TBL1Y: variants seen among roughly 807,000 people sequenced by gnomAD.
TBL1Y encodes the protein F-box-like/WD repeat-containing protein TBL1Y.
Under a neutral mutation model 12.0 loss-of-function variants are expected in TBL1Y, and 15 were observed. That is an observed-to-expected ratio of 1.25 (90% CI 0.83 to 1.92). TBL1Y has a LOEUF of 1.92. Among genes scored for constraint, TBL1Y ranks in the 40% most tolerant of loss-of-function variants. TBL1Y has a pLI of 0.00. For synonymous variants in TBL1Y, 53 were observed against 42.6 expected (o/e 1.24, Z -0.95); for missense variants, 148 against 116.7 (o/e 1.27, Z -1.24).
At chrY:7,066,661 C>T in intron 8 of TBL1Y, among the ~76,000 whole-genome samples, 4 of 32,638 alleles carry the variant, frequency 1.2e-4, no homozygotes, top group African/African-American at 4.8e-4. Context: ...CCACCACGCC[C>T]GGCTAAGAAC....
At chrY:7,084,124 A>G (rs2013115471) in intron 14 of TBL1Y, among the ~76,000 whole-genome samples, 4 of 32,933 alleles carry the variant, frequency 1.2e-4, no homozygotes, top group Non-Finnish European at 2.2e-4. Flanking sequence ...ATATTTAGAA[A>G]ATTAATTTTC....
chrY:6,959,758 A>G, intron 2 of TBL1Y, among the ~76,000 whole-genome samples: 1 of 33,692 alleles, frequency 3.0e-5, no homozygotes, highest in Non-Finnish European at 7.4e-5. Context: ...TGTCCCAGTG[A>G]TGTTTAGATT....
chrY:7,008,604 A>G (rs762332929), intron 4 of TBL1Y, among the ~76,000 whole-genome samples: 1 of 33,439 alleles, frequency 3.0e-5, no homozygotes, highest in African/African-American at 1.2e-4. Context: ...ATCGCCAGTC[A>G]GCACAAATAT....
At chrY:6,946,893 CCAGG>C (rs2011988889) in intron 2 of TBL1Y, among the ~76,000 whole-genome samples, 3 of 33,707 alleles carry the variant, frequency 8.9e-5, no homozygotes, top group Non-Finnish European at 1.5e-4. Context: ...GACAGAGCTT[CCAGG>C]TCACAGGTGA....
chrY:6,952,948 CT>C (rs2012042484), intron 2 of TBL1Y, among the ~76,000 whole-genome samples: 1 of 33,008 alleles, frequency 3.0e-5, no homozygotes, highest in Non-Finnish European at 7.4e-5. Context: ...CTTAGTTTGG[CT>C]GGATATGAAA....
At chrY:7,003,116 A>G in intron 4 of TBL1Y, among the ~76,000 whole-genome samples, 1 of 34,028 alleles carries the variant, frequency 2.9e-5, no homozygotes, top group Non-Finnish European at 7.3e-5. Flanking sequence ...ATACTAAGAC[A>G]GAGAGTGTGG....
chrY:6,969,056 T>C, intron 2 of TBL1Y, among the ~76,000 whole-genome samples: 1 of 32,475 alleles, frequency 3.1e-5, no homozygotes, highest in Non-Finnish European at 7.5e-5. Flanking sequence ...AGGTGAGGGA[T>C]GCTAGCTTAG....
intron 6 of TBL1Y, among the ~76,000 whole-genome samples, chrY:7,032,013 G>T (rs773078306): frequency 3.0e-5 from 1 of 33,208 alleles, no homozygotes; most frequent in Admixed American, 2.8e-4. Flanking sequence ...GGTGGCGAAG[G>T]TTGCACAACA....
intron 8 of TBL1Y, among the ~76,000 whole-genome samples, chrY:7,065,577 C>A: frequency 3.0e-5 from 1 of 33,752 alleles, no homozygotes; most frequent in South Asian, 6.8e-4. Context: ...AGCAAGGCAG[C>A]CTGTCCTCTC....
intron 2 of TBL1Y, among the ~76,000 whole-genome samples, chrY:6,943,295 TG>T (rs2011964400): frequency 6.1e-5 from 2 of 32,802 alleles, no homozygotes; most frequent in Non-Finnish European, 1.5e-4. Flanking sequence ...TGCTTGGGGA[TG>T]GGGAGGCTGC....
intron 2 of TBL1Y, among the ~76,000 whole-genome samples, chrY:6,968,840 GT>G: frequency 3.0e-5 from 1 of 33,281 alleles, no homozygotes; most frequent in Non-Finnish European, 7.4e-5. Flanking sequence ...CTTTGGGGAA[GT>G]TTTGGTTTCC....
chrY:7,004,912 C>T (rs981253375), intron 4 of TBL1Y, among the ~76,000 whole-genome samples: 1 of 33,727 alleles, frequency 3.0e-5, no homozygotes, highest in African/African-American at 1.2e-4. Context: ...GGATTTAGCC[C>T]TTGCTACTTA....
intron 2 of TBL1Y, among the ~76,000 whole-genome samples, chrY:6,973,109 C>T: frequency 3.0e-5 from 1 of 33,219 alleles, no homozygotes; most frequent in Non-Finnish European, 7.4e-5. Flanking sequence ...CCAGGAATCT[C>T]TGTGCGGTGG....
intron 3 of TBL1Y, among the ~76,000 whole-genome samples, chrY:6,982,056 G>A: frequency 3.0e-5 from 1 of 33,438 alleles, no homozygotes; most frequent in Non-Finnish European, 7.3e-5. Context: ...AGAATTGGCC[G>A]TGGGAATATA....
chrY:7,033,616 C>G (rs2012669278), intron 6 of TBL1Y, among the ~76,000 whole-genome samples: 1 of 33,393 alleles, frequency 3.0e-5, no homozygotes. Flanking sequence ...AGCAGTACAT[C>G]AAAAAGCTTA....
intron 3 of TBL1Y, among the ~76,000 whole-genome samples, chrY:6,978,894 G>T (rs2012263047): frequency 3.1e-5 from 1 of 32,574 alleles, no homozygotes; most frequent in South Asian, 7.0e-4. Context: ...TAGTGATTTT[G>T]CCAGTTAGTT....
At chrY:7,059,673 C>G (rs2012846367) in intron 7 of TBL1Y, among the ~76,000 whole-genome samples, 2 of 33,515 alleles carry the variant, frequency 6.0e-5, no homozygotes, top group Non-Finnish European at 1.5e-4. Flanking sequence ...TGAAATTGAC[C>G]TTTTGTTTTA....
intron 4 of TBL1Y, among the ~76,000 whole-genome samples, chrY:7,008,754 C>G (rs765880850): frequency 3.0e-5 from 1 of 33,688 alleles, no homozygotes; most frequent in Admixed American, 2.7e-4. Context: ...ATGCAGTGCA[C>G]TGTCCTTCCA....
At chrY:7,003,085 T>C in intron 4 of TBL1Y, among the ~76,000 whole-genome samples, 1 of 34,013 alleles carries the variant, frequency 2.9e-5, no homozygotes, top group Admixed American at 2.7e-4. Context: ...TCTGTTGTTT[T>C]CTTAATTTCC....
Sources: allele counts gnomAD v4.1 joint callset (sites outside exome capture counted in the v4.1 genomes callset), GRCh38; gene constraint gnomAD v4.1.1; transcripts MANE v1.5; gene names NCBI Gene and HGNC (gene_info 2026-07-23, HGNC 2026-07-21).